Variants in PIK3R6 observed in about 807,000 individuals in gnomAD.
PIK3R6 encodes the protein phosphoinositide 3-kinase regulatory subunit 6.
PIK3R6 carries 91 observed loss-of-function variants against 84.9 expected under a neutral mutation model. That is an observed-to-expected ratio of 1.07 (90% CI 0.90 to 1.28). PIK3R6 has a LOEUF of 1.28. PIK3R6 is among the 50% of genes most tolerant of loss of function. The pLI, the probability that PIK3R6 is intolerant of heterozygous loss-of-function variation, is 0.00. For synonymous variants in PIK3R6, 416 were observed against 411.4 expected (o/e 1.01, Z -0.13); for missense variants, 996 against 985.1 (o/e 1.01, Z -0.15).
At chr17:8,826,928 C>T (rs2087936873) in intron 13 of PIK3R6, among the ~76,000 whole-genome samples, 1 of 152,010 alleles carries the variant, frequency 6.6e-6, no homozygotes. Context: ...GTCCAAAGTA[C>T]GAGCCTGGTA....
chr17:8,840,343 A>G (rs1028431273), intron 2 of PIK3R6, among the ~76,000 whole-genome samples: 1 of 135,016 alleles, frequency 7.4e-6, no homozygotes. Flanking sequence ...TATATGAAAT[A>G]TATATAGCCT....
chr17:8,838,711 A>T, intron 3 of PIK3R6, 56 bp from the exon 4 acceptor site: 1 of 1,483,132 alleles, frequency 6.7e-7, no homozygotes. Flanking sequence ...CTTAGAGGAG[A>T]CCCCTCTGAG....
chr17:8,805,818 T>TGAGGCAGGAGGATCGCTTG (rs2087188564), intron 18 of PIK3R6, among the ~76,000 whole-genome samples: 1 of 151,782 alleles, frequency 6.6e-6, no homozygotes, highest in Non-Finnish European at 1.5e-5. Flanking sequence ...CCTGAGAGGC[T>TGAGGCAGGAGGATCGCTTG]GAGGCAGGAG....
rs952176302 is a variant in PIK3R6 at position 8,819,960 on chromosome 17, T to A, written c.1880-762A>T. 1.4e-4 allele frequency among the ~76,000 whole-genome samples: 20 copies of A among 145,634 alleles called. No individual in the cohort carries two copies. The South Asian group carries it at 2.3e-3, about 17-fold the overall frequency. ...ATATTTTTATATATATATATATTTT[T>A]TTTTTGAGACAGAGTCTCACTCTGT... On this transcript the variant is annotated intron_variant, in intron 17 of 19. Transcript: ENST00000619866.
chr17:8,817,696 A>T (rs1184393416), intron 18 of PIK3R6, among the ~76,000 whole-genome samples: 7 of 152,174 alleles, frequency 4.6e-5, no homozygotes, highest in Non-Finnish European at 2.9e-5. Flanking sequence ...AAGATAAAGA[A>T]ATATAAGGGC....
At chr17:8,861,737 T>C (rs1296165256) in intron 1 of PIK3R6, among the ~76,000 whole-genome samples, 5 of 152,192 alleles carry the variant, frequency 3.3e-5, no homozygotes, top group Non-Finnish European at 4.4e-5. Flanking sequence ...AGAGAAGTGA[T>C]GCTGGCAATT....
intron 10 of PIK3R6, among the ~76,000 whole-genome samples, chr17:8,829,214 G>C (rs4310910): frequency 6.6e-6 from 1 of 150,438 alleles, no homozygotes; most frequent in Non-Finnish European, 1.5e-5. Flanking sequence ...CACACACACA[G>C]ACACACACAC....
Position 8,837,825 on chromosome 17 carries a change from G to A in PIK3R6, c.236C>T (p.Thr79Ile), listed in dbSNP as rs756652681. Residue 79 changes from threonine to isoleucine, a missense_variant, in exon 5 of 20, where the codon ACT becomes ATT. Thr to Ile is a moderately conservative substitution (Grantham distance 89). Coordinates refer to ENST00000619866, the MANE Select transcript of PIK3R6 (RefSeq NM_001010855.4). ...LRHVIIPLLH[T>I]VMYVLTKATG... ...CACCTTGGTGAGCACGTACATTACA[G>A]TGTGCAGCAAGGGAATGATGACATG... The A allele has an allele frequency of 1.2e-6, 2 of 1,613,836 alleles. No individual in the cohort carries two copies. The highest frequency in any genetic ancestry group is 2.7e-5 in the African/African-American group (2 of 74,928).
intron 18 of PIK3R6, 96 bp from the exon 19 acceptor site, chr17:8,804,249 C>A: frequency 3.9e-6 from 4 of 1,014,668 alleles, no homozygotes; most frequent in Non-Finnish European, 6.1e-6. Context: ...TTTCTTCAGT[C>A]CAGCACATGG....
In PIK3R6 at chr17:8,837,870, G is replaced by T. The variant is rs368109046; in HGVS notation, c.191C>A (p.Ala64Glu). The T allele has an allele frequency of 1.9e-6, 3 of 1,613,340 alleles. No homozygotes were observed. Among genetic ancestry groups the T allele is most frequent in the African/African-American group, 2.7e-5 (2 of 74,908 alleles). ...GACATGCCGGAGGTCCTGGCTTTCC[G>T]CCTGGAAAACAGGAGATCACGTGAC... is the stretch of plus-strand genomic sequence containing the variant. ...VRILLRELEK[A>E]ESQDLRHVII... The change falls in exon 5 of 20, where the codon GCG becomes GAG. Residue 64 changes from alanine to glutamate, a missense_variant and splice_region_variant. Coordinates refer to ENST00000619866, the MANE Select transcript of PIK3R6 (RefSeq NM_001010855.4).
At chr17:8,838,475 G>C (rs1025899378) in intron 4 of PIK3R6, 89 bp downstream of exon 4, 5 of 1,197,424 alleles carry the variant, frequency 4.2e-6, no homozygotes, top group Non-Finnish European at 4.8e-6. Context: ...AAGCTTATGA[G>C]ATATAGCGCT....
At chr17:8,829,375 TACACACACTG>T (rs1597401046) in intron 10 of PIK3R6, among the ~76,000 whole-genome samples, 1 of 134,960 alleles carries the variant, frequency 7.4e-6, no homozygotes, top group African/African-American at 2.9e-5. Flanking sequence ...CATGCATGGA[TACACACACTG>T]ACACACACGC....
chr17:8,829,135 TCA>T (rs1362408364), intron 10 of PIK3R6, 145 bp from the exon 11 acceptor site: 4 of 750,152 alleles, frequency 5.3e-6, no homozygotes, highest in Non-Finnish European at 8.1e-6. Flanking sequence ...GCACAGAGAC[TCA>T]CACACAGAGA....
intron 17 of PIK3R6, among the ~76,000 whole-genome samples, chr17:8,819,606 G>C (rs1053441886): frequency 2.0e-5 from 3 of 151,148 alleles, no homozygotes; most frequent in Admixed American, 1.3e-4. Flanking sequence ...AGTGGGTGAG[G>C]AGGGCATCAG....
At position 8,828,686 on chromosome 17, in the gene PIK3R6, G is replaced by A. The variant is rs755310223; in HGVS notation, c.1194C>T (p.Gly398=). Residue 398 remains glycine (G), a synonymous_variant, in exon 11 of 20, where the codon GGC becomes GGT. Transcript: ENST00000619866. Reference sequence around the variant, plus strand: ...GCATTTCCCCATCCCCACTGGGCCGGCCTGTCCTCCGGTGCAGCCCTGGGG... The same window carrying A: ...GCATTTCCCCATCCCCACTGGGCCGACCTGTCCTCCGGTGCAGCCCTGGGG... ...DGPPGLHRRT[G]RPSGDGEMLP... is the part of the protein sequence containing the mutation. 4.3e-6 allele frequency: 7 copies of A among 1,611,552 alleles called. No homozygotes were observed. The highest frequency in any genetic ancestry group is 5.9e-6 in the Non-Finnish European group (7 of 1,179,082).
chr17:8,860,289 C>CG (rs972231646), intron 1 of PIK3R6, among the ~76,000 whole-genome samples: 4 of 138,112 alleles, frequency 2.9e-5, no homozygotes, highest in Non-Finnish European at 4.4e-5. Context: ...CCTCCTGGGG[C>CG]GGGGGGCGGT....
At chr17:8,863,362 G>A (rs540110454) in intron 1 of PIK3R6, among the ~76,000 whole-genome samples, 1 of 151,996 alleles carries the variant, frequency 6.6e-6, no homozygotes, top group African/African-American at 2.4e-5. Flanking sequence ...TTTTCCTGGT[G>A]AAAACATTTG....
intron 2 of PIK3R6, among the ~76,000 whole-genome samples, chr17:8,840,910 G>A (rs1407797407): frequency 2.0e-5 from 3 of 150,272 alleles, no homozygotes; most frequent in East Asian, 1.9e-4. Context: ...CTGCCACCAC[G>A]CCTGGCTAAT....
intron 1 of PIK3R6, among the ~76,000 whole-genome samples, chr17:8,855,743 C>T (rs1335496219): frequency 1.3e-5 from 2 of 152,162 alleles, no homozygotes; most frequent in Admixed American, 6.5e-5. Flanking sequence ...GGTGAGAATG[C>T]AAAATGGCAC....
Sources: allele counts gnomAD v4.1 joint callset (sites outside exome capture counted in the v4.1 genomes callset), GRCh38; gene constraint gnomAD v4.1.1; transcripts MANE v1.5; gene names NCBI Gene and HGNC (gene_info 2026-07-23, HGNC 2026-07-21).